Variants in SPOUT1 observed in about 807,000 individuals in gnomAD.
SPOUT1 encodes the protein SPOUT domain containing methyltransferase 1.
Under a neutral mutation model 54.8 loss-of-function variants are expected in SPOUT1, and 40 were observed. The observed-to-expected ratio is 0.73, with a 90% CI of 0.57 to 0.95. The LOEUF is 0.95. Ranked by LOEUF, SPOUT1 falls within the 40% of genes least tolerant of loss-of-function variation. SPOUT1 has a pLI of 0.00. For synonymous variants in SPOUT1, 193 were observed against 200.3 expected (o/e 0.96, Z 0.31); for missense variants, 437 against 499.5 (o/e 0.87, Z 1.19).
rs757636353 is a variant in SPOUT1, at chr9:128,821,220, G to A, written c.*1545C>T. 2 of 267,298 alleles carry A rather than the reference G, an allele frequency of 7.5e-6. No individual in the cohort carries two copies. Among genetic ancestry groups the A allele is most frequent in the Non-Finnish European group, 1.5e-5 (2 of 136,294 alleles). 16.6% of individuals were successfully genotyped at this position (267,298 alleles called of 1,614,324 possible). On this transcript the variant is annotated 3_prime_UTR_variant, in exon 12 of 12. Transcript: ENST00000361256. Reference sequence around the variant, plus strand: ...CCCCCGCAGGTCTGCAGTGCACCAAGCTCTCCCGCCTTCCCCCTGCAGGTC... The same window carrying A: ...CCCCCGCAGGTCTGCAGTGCACCAAACTCTCCCGCCTTCCCCCTGCAGGTC...
rs1250470050 is a variant in SPOUT1, at chr9:128,828,766, C to T, written c.177G>A (p.Glu59=). The part of the protein sequence containing the change: ...AQEEQAKRLE[E]EEAAAEKEDR... ...CCTCCTTCTCTGCCGCTGCCTCCTC[C>T]TCTTCCAGGCGCTTTGCCTGTTCCT... is the stretch of plus-strand genomic sequence containing the variant. The change falls in exon 3 of 12, where the codon GAG becomes GAA. Residue 59 remains glutamate (E), a synonymous_variant. Transcript: ENST00000361256. 4.3e-6 allele frequency: 7 copies of T among 1,614,040 alleles called. No individual in the cohort carries two copies. Among genetic ancestry groups the T allele is most frequent in the African/African-American group, 1.3e-5 (1 of 74,946 alleles).
intron 11 of SPOUT1, 83 bp downstream of exon 11, chr9:128,823,664 G>A: frequency 1.5e-6 from 2 of 1,299,728 alleles, no homozygotes; most frequent in Non-Finnish European, 2.1e-6. Context: ...GCAAGGGTGG[G>A]TGACAGGGCA....
intron 3 of SPOUT1, among the ~76,000 whole-genome samples, chr9:128,827,616 G>T (rs1366487946): frequency 1.3e-5 from 2 of 152,254 alleles, no homozygotes; most frequent in African/African-American, 4.8e-5. Flanking sequence ...GCCCCGGGAA[G>T]TCAAATACAT....
rs982984841 is a variant in SPOUT1 at position 128,822,778 on chromosome 9, G to C, written c.1118C>G (p.Ala373Gly). The C allele has an allele frequency of 1.0e-5, 16 of 1,581,818 alleles. No homozygotes were observed. Among genetic ancestry groups the C allele is most frequent in the African/African-American group, 2.7e-5 (2 of 74,324 alleles). Residue 373 changes from alanine (A) to glycine (G), a missense_variant, in exon 12 of 12, where the codon GCC becomes GGC. Ala to Gly is a moderately conservative substitution (Grantham distance 60, BLOSUM62 0). Transcript: ENST00000361256. The stretch of plus-strand genomic sequence containing the variant: ...CCCTTAGAACTTTCAGGTGTGCCGG[G>C]CACCCGCCTGGATGAGGCCAGGCTG... ...ALQPGLIQAG[A>G]RHT
intron 3 of SPOUT1, among the ~76,000 whole-genome samples, chr9:128,827,787 TG>T (rs1223082975): frequency 6.6e-6 from 1 of 152,218 alleles, no homozygotes; most frequent in Non-Finnish European, 1.5e-5. Context: ...CTGGGCATGG[TG>T]GCGCATGCCT....
intron 1 of SPOUT1, 78 bp from the exon 2 acceptor site, chr9:128,829,233 A>G: frequency 8.1e-7 from 1 of 1,229,102 alleles, no homozygotes; most frequent in South Asian, 1.2e-5. Flanking sequence ...GCTGCACCAT[A>G]GCCAGCCCCT....
chr9:128,826,792 A>C lies in SPOUT1; in HGVS notation c.369-163T>G, dbSNP rs539648009. Among the ~76,000 whole-genome samples the C allele has an allele frequency of 6.6e-6, 1 of 152,132 alleles. No homozygotes were observed. The highest frequency in any genetic ancestry group is 1.5e-5 in the Non-Finnish European group (1 of 67,998). ...CAGTGAGCCATGACCATGCCACTGC[A>C]TGCACTCCAGCCGGGGTGACAGCTG... On this transcript the variant is annotated intron_variant, in intron 4 of 11. Transcript: ENST00000361256. The surrounding 1 kb of genome is among the most constrained non-coding windows in gnomAD (Gnocchi z 5.5).
In SPOUT1 at chr9:128,821,200, G is replaced by A. The variant is rs534388707; in HGVS notation, c.*1565C>T. ...CACCAAGCTCTCCCACCTTCCCCCC[G>A]CAGGTCTGCAGTGCACCAAGCTCTC... On this transcript the variant is annotated 3_prime_UTR_variant, in exon 12 of 12. Transcript: ENST00000361256. 4.0e-5 allele frequency: 12 copies of A among 303,494 alleles called. No individual in the cohort carries two copies. The highest frequency in any genetic ancestry group is 5.1e-5 in the Non-Finnish European group (8 of 156,876). 18.8% of individuals were successfully genotyped at this position (303,494 alleles called of 1,614,324 possible).
chr9:128,829,607 C>T, intron 1 of SPOUT1, 138 bp downstream of exon 1: 1 of 685,770 alleles, frequency 1.5e-6, no homozygotes, highest in Non-Finnish European at 2.5e-6. Flanking sequence ...CACGCGGCAC[C>T]TTCGGGGGCT....
In SPOUT1 at chr9:128,820,928, C is replaced by A. The variant is rs546113970; in HGVS notation, c.*1837G>T. Reference sequence around the variant, plus strand: ...TGCCACTCACAGGGCCAGGCTTGCCCCAGGCTCTGGGTCAATACCAGTTCC... The same window carrying A: ...TGCCACTCACAGGGCCAGGCTTGCCACAGGCTCTGGGTCAATACCAGTTCC... On this transcript the variant is annotated 3_prime_UTR_variant, in exon 12 of 12. Coordinates refer to ENST00000361256, the MANE Select transcript of SPOUT1 (RefSeq NM_016390.4). 3.9e-5 allele frequency: 52 copies of A among 1,347,034 alleles called. No homozygotes were observed. In the South Asian group the frequency reaches 6.5e-4, roughly 17 times the overall value. The allele number at this position is 1,347,034 out of a possible 1,614,324, so 83.4% of individuals were successfully genotyped here. A position where few individuals can be genotyped will look rare whatever the true frequency, so the allele number is the denominator to read the frequency against.
intron 3 of SPOUT1, among the ~76,000 whole-genome samples, chr9:128,827,751 G>A (rs181901866): frequency 4.6e-5 from 7 of 152,300 alleles, no homozygotes; most frequent in Admixed American, 2.6e-4. Flanking sequence ...GCGAAACCCC[G>A]TCTCTACTAA....
Position 128,828,729 on chromosome 9 carries a change from G to C in SPOUT1, c.208+6C>G. 6.2e-7 allele frequency: 1 copy of C among 1,613,084 alleles called. No homozygotes were observed. The highest frequency in any genetic ancestry group is 2.2e-5 in the East Asian group (1 of 44,882). Reference sequence around the variant, plus strand: ...ACCTGTGGCCCTCCCCAAGACCCCAGCTCACCGCGGTCCTCCTTCTCTGCC... The same window carrying C: ...ACCTGTGGCCCTCCCCAAGACCCCACCTCACCGCGGTCCTCCTTCTCTGCC... On this transcript the variant is annotated splice_donor_region_variant and intron_variant, in intron 3 of 11. Coordinates refer to ENST00000361256, the MANE Select transcript of SPOUT1 (RefSeq NM_016390.4).
intron 3 of SPOUT1, among the ~76,000 whole-genome samples, chr9:128,828,102 C>T (rs1419723923): frequency 6.6e-6 from 1 of 152,036 alleles, no homozygotes; most frequent in Non-Finnish European, 1.5e-5. Flanking sequence ...ATTATGAAAT[C>T]AAAATAATTG....
Position 128,822,326 on chromosome 9 carries a change from A to G in SPOUT1, c.*439T>C. The G allele has an allele frequency of 6.2e-7, 1 of 1,612,474 alleles. No individual in the cohort carries two copies. Among genetic ancestry groups the G allele is most frequent in the South Asian group, 1.1e-5 (1 of 91,030 alleles). The stretch of plus-strand genomic sequence containing the variant: ...CCCACGTGTGCCTGGGTCTGCCCAC[A>G]GGACAGAGGCTGATGGGAAATCCTA... On this transcript the variant is annotated 3_prime_UTR_variant, in exon 12 of 12. Transcript: ENST00000361256.
chr9:128,828,834 C>T lies in SPOUT1; in HGVS notation c.109G>A (p.Asp37Asn). ...TCCAGTTTTTTCATCAGCTTGAGAT[C>T]CTTCCATTTTTTTTTCTCCTCTTTC... ...QKKEEKKKWK[D>N]LKLMKKLERQ... Residue 37 changes from aspartate to asparagine, a missense_variant, in exon 3 of 12, where the codon GAT becomes AAT. Coordinates refer to ENST00000361256, the MANE Select transcript of SPOUT1 (RefSeq NM_016390.4). 6.2e-7 allele frequency: 1 copy of T among 1,614,170 alleles called. No homozygotes were observed. Among genetic ancestry groups the T allele is most frequent in the Non-Finnish European group, 8.5e-7 (1 of 1,180,020 alleles).
At position 128,819,998 on chromosome 9, in the gene SPOUT1, T is replaced by C. The variant is rs1207134962; in HGVS notation, c.*2767A>G. ...TGCTCGCCTGCTGCTCACCTCCTGC[T>C]GTGTGGCCCGGTTCTGGTACCGGTC... On this transcript the variant is annotated 3_prime_UTR_variant, in exon 12 of 12. Coordinates refer to ENST00000361256, the MANE Select transcript of SPOUT1 (RefSeq NM_016390.4). 1 of 152,356 alleles carries C rather than the reference T, an allele frequency of 6.6e-6. No individual in the cohort carries two copies. Among genetic ancestry groups the C allele is most frequent in the Non-Finnish European group, 1.5e-5 (1 of 68,120 alleles). 9.4% of individuals were successfully genotyped at this position (152,356 alleles called of 1,614,324 possible). A position where few individuals can be genotyped will look rare whatever the true frequency, so the allele number is the denominator to read the frequency against.
At chr9:128,829,553 G>A (rs2293966) in intron 1 of SPOUT1, among the ~76,000 whole-genome samples, 192 bp downstream of exon 1, 83,960 of 152,062 alleles carry the variant, frequency 0.55, 27,951 homozygotes, top group Non-Finnish European at 0.71. Flanking sequence ...AGCCGCAGGG[G>A]GTTCCGGAGA....
chr9:128,822,365 G>T lies in SPOUT1; in HGVS notation c.*400C>A. ...TGGGAAATCCTACGTAAAGTACCAGGTCATCGGCAAGAACCACGTGGCAGT... is the reference window on the plus strand; with the variant it reads ...TGGGAAATCCTACGTAAAGTACCAGTTCATCGGCAAGAACCACGTGGCAGT... On this transcript the variant is annotated 3_prime_UTR_variant, in exon 12 of 12. Coordinates refer to ENST00000361256, the MANE Select transcript of SPOUT1 (RefSeq NM_016390.4). The T allele has an allele frequency of 6.2e-7, 1 of 1,613,994 alleles. No homozygotes were observed.
rs2132580550 is a variant in SPOUT1 at position 128,821,180 on chromosome 9, A to AG, written c.*1584dup. 3.0e-6 allele frequency: 1 copy of AG among 333,262 alleles called. No individual in the cohort carries two copies. The highest frequency in any genetic ancestry group is 3.2e-5 in the South Asian group (1 of 30,966). The allele number at this position is 333,262 out of a possible 1,614,324, so 20.6% of individuals were successfully genotyped here. A position where few individuals can be genotyped will look rare whatever the true frequency, so the allele number is the denominator to read the frequency against. On this transcript the variant is annotated 3_prime_UTR_variant, in exon 12 of 12. Transcript: ENST00000361256. ...CCCCCCGCAGGTCTGCAGTGCACCA[A>AG]GCTCTCCCACCTTCCCCCCGCAGGT...
Sources: allele counts gnomAD v4.1 joint callset (sites outside exome capture counted in the v4.1 genomes callset), GRCh38; gene constraint gnomAD v4.1.1; non-coding constraint Gnocchi (gnomAD v3.1); transcripts MANE v1.5; gene names NCBI Gene and HGNC (gene_info 2026-07-23, HGNC 2026-07-21).